Variants in CDHR3 observed in about 807,000 individuals in gnomAD.
CDHR3 encodes cadherin-related family member 3.
CDHR3 carries 79 observed loss-of-function variants against 86.6 expected under a neutral mutation model. The ratio of observed to expected loss-of-function variants is 0.91; its 90% CI spans 0.76 to 1.10. CDHR3 has a LOEUF of 1.10. Ranked by LOEUF, CDHR3 falls within the 50% of genes least tolerant of loss-of-function variation. CDHR3 has a pLI of 0.00. For synonymous variants in CDHR3, 421 were observed against 402.4 expected, an observed-to-expected ratio of 1.05 and a Z score of -0.55; for missense variants, 1,081 against 1,077.6, an observed-to-expected ratio of 1.00 and a Z score of -0.04.
rs182365997 is a variant in CDHR3 at position 105,993,396 on chromosome 7, G to A, written c.514-1355G>A. ...GTGAGGACCAGAGCTTAAGCTAGAC[G>A]CAGTGGCTCATGCCTGTAATCCCAG... On this transcript the variant is annotated intron_variant, in intron 4 of 18. Transcript: ENST00000317716. 2.6e-5 allele frequency among the ~76,000 whole-genome samples: 4 copies of A among 152,170 alleles called. No homozygotes were observed. In the East Asian group the frequency reaches 5.8e-4, roughly 22 times the overall value.
chr7:106,032,881 G>T lies in CDHR3; in HGVS notation c.*184G>T. ...GAAAGGGGTTTGATCACATAGTTGCGTGTTCTGAAATGATACAGGAACATT... is the reference window on the plus strand; with the variant it reads ...GAAAGGGGTTTGATCACATAGTTGCTTGTTCTGAAATGATACAGGAACATT... On this transcript the variant is annotated 3_prime_UTR_variant, in exon 19 of 19. Transcript: ENST00000317716. 1 of 593,524 alleles carries T rather than the reference G, an allele frequency of 1.7e-6. No individual in the cohort carries two copies. Among genetic ancestry groups the T allele is most frequent in the Non-Finnish European group, 2.9e-6 (1 of 340,428 alleles). The allele number at this position is 593,524 out of a possible 1,614,324, so 36.8% of individuals were successfully genotyped here. A position where few individuals can be genotyped will look rare whatever the true frequency, so the allele number is the denominator to read the frequency against.
intron 6 of CDHR3, among the ~76,000 whole-genome samples, chr7:105,998,142 G>T (rs534336810): frequency 6.6e-6 from 1 of 152,144 alleles, no homozygotes. Flanking sequence ...CAAACTACGT[G>T]CTGACTTGGA....
chr7:106,012,625 G>C (rs917844179), intron 8 of CDHR3, among the ~76,000 whole-genome samples: 2 of 152,198 alleles, frequency 1.3e-5, no homozygotes, highest in African/African-American at 4.8e-5. Context: ...CTTAGGAGCA[G>C]AGGAGTGACG....
chr7:105,987,496 G>T (rs1830693841), intron 4 of CDHR3, among the ~76,000 whole-genome samples: 1 of 152,174 alleles, frequency 6.6e-6, no homozygotes, highest in Non-Finnish European at 1.5e-5. Context: ...GGTGCTTGGG[G>T]GTACTAAGTA....
At chr7:106,010,786 G>A (rs1419438924) in intron 8 of CDHR3, among the ~76,000 whole-genome samples, 1 of 152,230 alleles carries the variant, frequency 6.6e-6, no homozygotes, top group African/African-American at 2.4e-5. Flanking sequence ...AAAATGGGGA[G>A]AGAGATGGAC....
intron 7 of CDHR3, among the ~76,000 whole-genome samples, chr7:106,002,069 G>T (rs187678872): frequency 3.3e-5 from 5 of 152,174 alleles, no homozygotes; most frequent in African/African-American, 1.2e-4. Context: ...GGTTACCAAG[G>T]TAATAGATGT....
intron 4 of CDHR3, among the ~76,000 whole-genome samples, chr7:105,985,533 G>A (rs1830401260): frequency 6.6e-6 from 1 of 152,122 alleles, no homozygotes; most frequent in Non-Finnish European, 1.5e-5. Flanking sequence ...AGGAAGAAAT[G>A]AGCCTTGGGA....
chr7:106,036,426 C>T lies in CDHR3; in HGVS notation c.*3729C>T, dbSNP rs2115953104. ...ATTCATTCAATAAATATCTGTGGAG[C>T]AACTACCATGTGCCAAGCGTTGACT... On this transcript the variant is annotated 3_prime_UTR_variant, in exon 19 of 19. Coordinates refer to ENST00000317716, the MANE Select transcript of CDHR3 (RefSeq NM_152750.5). The T allele has an allele frequency of 6.6e-6, 1 of 152,280 alleles. No homozygotes were observed. Among genetic ancestry groups the T allele is most frequent in the South Asian group, 2.1e-4 (1 of 4,824 alleles). 9.4% of individuals were successfully genotyped at this position (152,280 alleles called of 1,614,324 possible). A position where few individuals can be genotyped will look rare whatever the true frequency, so the allele number is the denominator to read the frequency against.
intron 18 of CDHR3, 84 bp from the exon 19 acceptor site, chr7:106,032,309 A>T: frequency 7.5e-7 from 1 of 1,329,778 alleles, no homozygotes; most frequent in Non-Finnish European, 1.0e-6. Context: ...CTTGGGAGTC[A>T]GAACAGAGCA....
chr7:105,968,241 AGAG>A (rs1827293437), intron 1 of CDHR3, among the ~76,000 whole-genome samples: 1 of 152,222 alleles, frequency 6.6e-6, no homozygotes, highest in Non-Finnish European at 1.5e-5. Context: ...TCATTCAGGA[AGAG>A]GTATATATTG....
chr7:105,966,345 C>T (rs775596949), intron 1 of CDHR3, among the ~76,000 whole-genome samples: 4 of 152,160 alleles, frequency 2.6e-5, no homozygotes, highest in East Asian at 1.9e-4. Flanking sequence ...CCAGAAGATT[C>T]ACATGGACAT....
intron 5 of CDHR3, among the ~76,000 whole-genome samples, chr7:105,995,220 G>A (rs2115752586): frequency 6.6e-6 from 1 of 152,304 alleles, no homozygotes; most frequent in South Asian, 2.1e-4. Flanking sequence ...TCCCAAGGAG[G>A]CAACTCTCCT....
chr7:106,035,976 C>A lies in CDHR3; in HGVS notation c.*3279C>A. ...GGTGAAAGTTTTCTCCCATCTCCCT[C>A]TCAAGGCCTTAAACAGGTATGAGTT... On this transcript the variant is annotated 3_prime_UTR_variant, in exon 19 of 19. Coordinates refer to ENST00000317716, the MANE Select transcript of CDHR3 (RefSeq NM_152750.5). The A allele has an allele frequency of 6.6e-6, 1 of 152,222 alleles. No individual in the cohort carries two copies. The highest frequency in any genetic ancestry group is 1.9e-4 in the East Asian group (1 of 5,206). 9.4% of individuals were successfully genotyped at this position (152,222 alleles called of 1,614,324 possible). A position where few individuals can be genotyped will look rare whatever the true frequency, so the allele number is the denominator to read the frequency against.
In CDHR3 at chr7:106,030,912, T is replaced by C. The variant is rs371591609; in HGVS notation, c.2353+72T>C. On this transcript the variant is annotated intron_variant, in intron 18 of 18. Transcript: ENST00000317716. This position sits in a 1 kb window ranked among gnomAD's most constrained non-coding sequence, Gnocchi z 4.8. ...ACTGGTAGAAGCATGGAGGATCTTA[T>C]CCAATTTCCTGCTTTTAGCTCATTT... 1 of 1,411,800 alleles carries C rather than the reference T, an allele frequency of 7.1e-7. No individual in the cohort carries two copies. 87.5% of individuals were successfully genotyped at this position (1,411,800 alleles called of 1,614,324 possible). A position where few individuals can be genotyped will look rare whatever the true frequency, so the allele number is the denominator to read the frequency against.
At chr7:105,994,630 C>G in intron 4 of CDHR3, 121 bp from the exon 5 acceptor site, 1 of 719,060 alleles carries the variant, frequency 1.4e-6, no homozygotes, top group Non-Finnish European at 2.5e-6. Flanking sequence ...TGAACCGCAT[C>G]CTGATGCATC....
chr7:105,963,419 C>T (rs1215470047), intron 1 of CDHR3, 55 bp downstream of exon 1: 4 of 1,553,382 alleles, frequency 2.6e-6, no homozygotes, highest in Admixed American at 1.7e-5. Flanking sequence ...CTGCATAATA[C>T]CATTGAATGA....
intron 1 of CDHR3, among the ~76,000 whole-genome samples, chr7:105,965,779 T>C (rs1258523805): frequency 6.6e-6 from 1 of 152,242 alleles, no homozygotes; most frequent in Non-Finnish European, 1.5e-5. Flanking sequence ...AACTAGAATG[T>C]CAGCCCTGCA....
intron 4 of CDHR3, among the ~76,000 whole-genome samples, chr7:105,990,625 C>T (rs559872891): frequency 7.2e-5 from 11 of 152,224 alleles, no homozygotes; most frequent in African/African-American, 1.9e-4. Context: ...GGATGTGGGC[C>T]GAATAAGGGT....
chr7:106,009,239 A>C (rs892770407), intron 8 of CDHR3, among the ~76,000 whole-genome samples: 3 of 152,058 alleles, frequency 2.0e-5, no homozygotes, highest in Non-Finnish European at 4.4e-5. Flanking sequence ...CACCCTATGA[A>C]CGCCAAGATG....
Sources: allele counts gnomAD v4.1 joint callset (sites outside exome capture counted in the v4.1 genomes callset), GRCh38; gene constraint gnomAD v4.1.1; non-coding constraint Gnocchi (gnomAD v3.1); transcripts MANE v1.5; gene names NCBI Gene and HGNC (gene_info 2026-07-23, HGNC 2026-07-21).